PFKFB3: variants seen among roughly 807,000 people sequenced by gnomAD.
PFKFB3 encodes the protein 6-phosphofructo-2-kinase/fructose-2,6-bisphosphatase 3.
A neutral mutation model predicts 68.0 loss-of-function variants in PFKFB3; 33 were observed. The ratio of observed to expected loss-of-function variants is 0.49; its 90% confidence interval spans 0.37 to 0.65. PFKFB3 has a LOEUF of 0.65. PFKFB3 is among the 30% of genes least tolerant of loss of function. The pLI, the probability that PFKFB3 is intolerant of heterozygous loss-of-function variation, is 0.00. For missense variants in PFKFB3, 586 were observed against 712.2 expected (o/e 0.82, Z 2.02); for synonymous variants, 315 against 288.2 (o/e 1.09, Z -0.94).
At chr10:6,227,948 G>C (rs1031878058) in intron 14 of PFKFB3, among the ~76,000 whole-genome samples, 1 of 152,182 alleles carries the variant, frequency 6.6e-6, no homozygotes, top group African/African-American at 2.4e-5. Flanking sequence ...GGGGGACCAG[G>C]CTGGGGAAGG....
intron 1 of PFKFB3, among the ~76,000 whole-genome samples, chr10:6,172,535 C>T (rs535042553): frequency 4.6e-5 from 7 of 152,218 alleles, no homozygotes; most frequent in South Asian, 2.1e-4. Flanking sequence ...ATGAGGAAAC[C>T]GGGGTGCTGA....
At chr10:6,171,906 T>C (rs1177282196) in intron 1 of PFKFB3, among the ~76,000 whole-genome samples, 1 of 152,242 alleles carries the variant, frequency 6.6e-6, no homozygotes, top group Non-Finnish European at 1.5e-5. Context: ...CCTTTGGAGA[T>C]GGCGTTCAGA....
intron 1 of PFKFB3, among the ~76,000 whole-genome samples, chr10:6,175,977 G>C (rs570833218): frequency 1.3e-5 from 2 of 152,228 alleles, no homozygotes; most frequent in South Asian, 4.1e-4. Flanking sequence ...GGAAGCCCCC[G>C]CCTTGGCGTA....
chr10:6,312,225 G>T, the PFKFB3 span, among the ~76,000 whole-genome samples: 2 of 152,148 alleles, frequency 1.3e-5, no homozygotes, highest in Non-Finnish European at 2.9e-5. Flanking sequence ...AAGCTTGGCT[G>T]AACTTTTCGG....
chr10:6,277,736 C>A, the PFKFB3 span: 1 of 423,948 alleles, frequency 2.4e-6, no homozygotes, highest in Non-Finnish European at 4.8e-6. Context: ...ATGCCAGCAC[C>A]ACGCTTTCTG....
At chr10:6,202,514 T>C (rs1359657797), upstream of PFKFB3, 1 of 152,520 alleles carries the variant, frequency 6.6e-6, no homozygotes, top group East Asian at 1.9e-4. Context: ...AGGAGCTGCA[T>C]TGGTAGGATG....
chr10:6,155,352 A>G (rs367821595), intron 1 of PFKFB3, among the ~76,000 whole-genome samples: 250 of 151,350 alleles, frequency 1.7e-3, no homozygotes, highest in South Asian at 2.9e-3. Flanking sequence ...ACAGGCGCCC[A>G]CCACCACGCC....
At chr10:6,302,056 T>C in the PFKFB3 span, among the ~76,000 whole-genome samples, 2 of 79,248 alleles carry the variant, frequency 2.5e-5, no homozygotes, top group Non-Finnish European at 9.8e-5. Flanking sequence ...TTTCTTTTCT[T>C]TTTCTTTTTT....
intron 1 of PFKFB3, among the ~76,000 whole-genome samples, chr10:6,205,429 G>C (rs1281709575): frequency 1.7e-5 from 2 of 118,572 alleles, no homozygotes; most frequent in African/African-American, 3.3e-5. Context: ...GTTTCACTCT[G>C]TCACCGAGGC....
At chr10:6,217,814 T>C (rs1354968426) in intron 6 of PFKFB3, among the ~76,000 whole-genome samples, 3 of 152,204 alleles carry the variant, frequency 2.0e-5, no homozygotes, top group Non-Finnish European at 4.4e-5. Context: ...TATGGAGACT[T>C]ACTACAAGCT....
chr10:6,171,662 A>G (rs1367985897), intron 1 of PFKFB3, among the ~76,000 whole-genome samples: 3 of 152,238 alleles, frequency 2.0e-5, no homozygotes, highest in African/African-American at 4.8e-5. Flanking sequence ...CAAAGTGCCA[A>G]GATGACAGGT....
Position 6,254,354 on chromosome 10 carries a change from GGCAA to G in PFKFB3, c.1695_1698del (p.Ser566AlafsTer12), listed in dbSNP as rs1443358329. The stretch of plus-strand genomic sequence containing the variant: ...CGCTTCCTCACCTTTCTGGCTCTGC[GGCAA>G]GCGGCTCCTAATGATACCTGGCTGA... On this transcript the variant is annotated frameshift_variant, in exon 15 of 15. Coordinates refer to the PFKFB3 transcript ENST00000640683. LOFTEE classifies it high-confidence loss of function. The G allele has an allele frequency of 5.0e-6, 2 of 398,416 alleles. No homozygotes were observed. Among genetic ancestry groups the G allele is most frequent in the East Asian group, 3.6e-5 (1 of 28,082 alleles). The allele number at this position is 398,416 out of a possible 1,614,324, so 24.7% of individuals were successfully genotyped here.
At chr10:6,186,839 G>A (rs1221156577) in intron 1 of PFKFB3, among the ~76,000 whole-genome samples, 1 of 152,086 alleles carries the variant, frequency 6.6e-6, no homozygotes, top group African/African-American at 2.4e-5. Flanking sequence ...GTTTTAGAAG[G>A]TGCTTGTTGA....
chr10:6,212,186 G>A (rs12359693), intron 1 of PFKFB3, among the ~76,000 whole-genome samples: 1 of 152,266 alleles, frequency 6.6e-6, no homozygotes, highest in Non-Finnish European at 1.5e-5. Context: ...GGGCCGTGCC[G>A]CCCAGGCGGG....
chr10:6,148,130 G>A (rs1189297984), intron 1 of PFKFB3, among the ~76,000 whole-genome samples: 1 of 152,200 alleles, frequency 6.6e-6, no homozygotes, highest in Non-Finnish European at 1.5e-5. Flanking sequence ...CTCCTCCCTG[G>A]AGCCCACCTC....
downstream of PFKFB3, among the ~76,000 whole-genome samples, chr10:6,236,835 G>A (rs1022593097): frequency 3.3e-5 from 5 of 152,240 alleles, no homozygotes; most frequent in Admixed American, 1.3e-4. Context: ...TTTTGGGCCA[G>A]CTCTGAGATT....
At chr10:6,266,843 C>T in the PFKFB3 span, among the ~76,000 whole-genome samples, 2 of 152,222 alleles carry the variant, frequency 1.3e-5, no homozygotes, top group African/African-American at 2.4e-5. Flanking sequence ...CCTGGGGCCC[C>T]GCATGATGGC....
At chr10:6,273,082 C>T in the PFKFB3 span, among the ~76,000 whole-genome samples, 30 of 144,558 alleles carry the variant, frequency 2.1e-4, no homozygotes, top group African/African-American at 6.7e-4. Flanking sequence ...TTTCAGCTCA[C>T]GACAACCTCT....
upstream of PFKFB3, among the ~76,000 whole-genome samples, chr10:6,202,172 C>T (rs1157812861): frequency 6.6e-6 from 1 of 152,226 alleles, no homozygotes; most frequent in Admixed American, 6.5e-5. Context: ...CTGCCCCCAG[C>T]CCCAGTCCAC....
Sources: allele counts gnomAD v4.1 joint callset (sites outside exome capture counted in the v4.1 genomes callset), GRCh38; gene constraint gnomAD v4.1.1; transcripts MANE v1.5; gene names NCBI Gene and HGNC (gene_info 2026-07-23, HGNC 2026-07-21).